Variants in AQP3 observed in about 807,000 individuals in gnomAD.
The protein encoded by AQP3 is aquaporin-3.
AQP3 carries 15 observed loss-of-function variants against 30.3 expected under a neutral mutation model. The observed-to-expected ratio is 0.49, with a 90% CI of 0.33 to 0.76. The LOEUF (loss-of-function observed/expected upper bound fraction) is 0.76, where lower values mean the gene tolerates loss of function less well. AQP3 is among the 30% of genes least tolerant of loss of function. AQP3 has a pLI of 0.02. For missense variants in AQP3, 272 were observed against 384.8 expected (o/e 0.71, Z 2.45); for synonymous variants, 153 against 163.2 (o/e 0.94, Z 0.47).
At position 33,443,360 on chromosome 9, in the gene AQP3, C is replaced by T; in HGVS notation, c.334G>A (p.Ala112Thr). The change falls in exon 3 of 6, where the codon GCC becomes ACC. Residue 112 changes from alanine (A) to threonine (T), a missense_variant. Coordinates refer to ENST00000297991, the MANE Select transcript of AQP3 (RefSeq NM_004925.5). This position sits in a 1 kb window ranked among gnomAD's most constrained non-coding sequence, Gnocchi z 5.0. ...PIYTLAQTLG[A>T]FLGAGIVFGL... The stretch of plus-strand genomic sequence containing the variant: ...AAAACTATTCCAGCACCCAAGAAGG[C>T]TCCCAGCGTCTGTGCCAGGGTGTAG... 2 of 1,594,302 alleles carry T rather than the reference C, an allele frequency of 1.3e-6. No individual in the cohort carries two copies. The highest frequency in any genetic ancestry group is 8.5e-7 in the Non-Finnish European group (1 of 1,170,458).
In AQP3 at chr9:33,443,151, C is replaced by A; in HGVS notation, c.373+170G>T. ...GGCCTGAGACTCTGTTATTGCCCAACTTGTTTCTTTCCCTTCGTGCCCCCT... is the reference window on the plus strand; with the variant it reads ...GGCCTGAGACTCTGTTATTGCCCAAATTGTTTCTTTCCCTTCGTGCCCCCT... On this transcript the variant is annotated intron_variant, in intron 3 of 5. Transcript: ENST00000297991. This position sits in a 1 kb window ranked among gnomAD's most constrained non-coding sequence, Gnocchi z 5.0. The A allele has an allele frequency of 8.5e-7, 1 of 1,179,820 alleles. No homozygotes were observed. The allele number at this position is 1,179,820 out of a possible 1,614,324, so 73.1% of individuals were successfully genotyped here. A position where few individuals can be genotyped will look rare whatever the true frequency, so the allele number is the denominator to read the frequency against.
rs770128012 is a variant in AQP3, at chr9:33,443,760, C to A, written c.235+6G>T. 172 of 1,613,926 alleles carry A rather than the reference C, an allele frequency of 1.1e-4. 1 individual carries two copies. The highest frequency in any genetic ancestry group is 1.4e-4 in the Non-Finnish European group (164 of 1,179,948). ...CCAAGGGCTGGGGGCAGGGTTAAGG[C>A]CTTACCAGAGACCTGGCCAGCGATG... On this transcript the variant is annotated splice_donor_region_variant and intron_variant, in intron 2 of 5. Transcript: ENST00000297991. This position sits in a 1 kb window ranked among gnomAD's most constrained non-coding sequence, Gnocchi z 5.0.
chr9:33,447,392 G>T, intron 1 of AQP3, 31 bp downstream of exon 1: 1 of 1,541,050 alleles, frequency 6.5e-7, no homozygotes, highest in African/African-American at 1.4e-5. Context: ...GGGCTGGAGA[G>T]AGAAGGGCTT....
Position 33,447,562 on chromosome 9 carries a change from C to T in AQP3, c.-32G>A, listed in dbSNP as rs759886617. The T allele has an allele frequency of 3.2e-6, 5 of 1,542,080 alleles. No individual in the cohort carries two copies. The African/African-American group carries it at 5.5e-5, about 17-fold the overall frequency. ...GCAGGCGGCGGCGCTGTCGGGCGGG[C>T]AGGGGTGGCGGGAGGCGGTGGCGCA... On this transcript the variant is annotated 5_prime_UTR_variant, in exon 1 of 6. Transcript: ENST00000297991.
intron 1 of AQP3, among the ~76,000 whole-genome samples, chr9:33,444,578 C>CG (rs1257662712): frequency 7.0e-6 from 1 of 142,330 alleles, no homozygotes; most frequent in Admixed American, 7.4e-5. Flanking sequence ...TCAGCCTGGG[C>CG]GACAGAGCGG....
chr9:33,441,675 G>T lies in AQP3; in HGVS notation c.*368C>A. 2 of 414,040 alleles carry T rather than the reference G, an allele frequency of 4.8e-6. No homozygotes were observed. Among genetic ancestry groups the T allele is most frequent in the African/African-American group, 2.1e-5 (1 of 48,212 alleles). The allele number at this position is 414,040 out of a possible 1,614,324, so 25.6% of individuals were successfully genotyped here. ...TCCCCCAATAGCCAGAATCCCTTCC[G>T]ACTGGTCCCTTGCCCTGAATATCTG... On this transcript the variant is annotated 3_prime_UTR_variant, in exon 6 of 6. Transcript: ENST00000297991.
Position 33,441,904 on chromosome 9 carries a change from T to C in AQP3, c.*139A>G, listed in dbSNP as rs1476901223. 9 of 1,342,424 alleles carry C rather than the reference T, an allele frequency of 6.7e-6. No homozygotes were observed. The highest frequency in any genetic ancestry group is 9.2e-6 in the Non-Finnish European group (9 of 980,242). 83.2% of individuals were successfully genotyped at this position (1,342,424 alleles called of 1,614,324 possible). On this transcript the variant is annotated 3_prime_UTR_variant, in exon 6 of 6. Coordinates refer to ENST00000297991, the MANE Select transcript of AQP3 (RefSeq NM_004925.5). ...TCCAGTGGAAATCCTGAAGGGGCTG[T>C]CTCGTGGGGTGAGGGTAGATAGGGA...
At position 33,442,213 on chromosome 9, in the gene AQP3, TG is replaced by T; in HGVS notation, c.711-3del. On this transcript the variant is annotated splice_region_variant and splice_polypyrimidine_tract_variant and intron_variant, in intron 5 of 5. Coordinates refer to ENST00000297991, the MANE Select transcript of AQP3 (RefSeq NM_004925.5). ...ACCCACCACCAATGCTGGCCGGTCC[TG>T]GGGGGACAGACACTCATAGTCAGGG... 2 of 1,610,120 alleles carry T rather than the reference TG, an allele frequency of 1.2e-6. No homozygotes were observed. The highest frequency in any genetic ancestry group is 1.7e-6 in the Non-Finnish European group (2 of 1,178,844).
rs776058631 is a variant in AQP3, at chr9:33,443,285, GGGGTA to G, written c.373+31_373+35del. On this transcript the variant is annotated intron_variant, in intron 3 of 5. Coordinates refer to ENST00000297991, the MANE Select transcript of AQP3 (RefSeq NM_004925.5). The surrounding 1 kb of genome is among the most constrained non-coding windows in gnomAD (Gnocchi z 5.0). ...CCAGCAGGTCCTGAACAGAGGGACG[GGGGTA>G]GTGGAGGAGGACAGGGTGGGGAATG... 7.0e-6 allele frequency: 11 copies of G among 1,564,592 alleles called. No individual in the cohort carries two copies. In the African/African-American group the frequency reaches 1.4e-4, roughly 19 times the overall value.
chr9:33,444,632 C>T (rs1243649007), intron 1 of AQP3, among the ~76,000 whole-genome samples: 3 of 150,812 alleles, frequency 2.0e-5, no homozygotes, highest in Admixed American at 2.0e-4. Context: ...AAAAGAAAAG[C>T]TCATGTGGTG....
At chr9:33,442,809 C>T (rs200617012) in intron 4 of AQP3, 43 bp downstream of exon 4, 67 of 1,576,130 alleles carry the variant, frequency 4.3e-5, no homozygotes, top group South Asian at 7.8e-5. Flanking sequence ...CAAGGCAACT[C>T]GGTCCCCTCC....
In AQP3 at chr9:33,443,330, G is replaced by A; in HGVS notation, c.364C>T (p.Leu122=). 1.3e-6 allele frequency: 2 copies of A among 1,582,368 alleles called. No homozygotes were observed. Among genetic ancestry groups the A allele is most frequent in the Non-Finnish European group, 1.7e-6 (2 of 1,163,898 alleles). Residue 122 remains leucine, a synonymous_variant, in exon 3 of 6, where the codon CTG becomes TTG. Coordinates refer to ENST00000297991, the MANE Select transcript of AQP3 (RefSeq NM_004925.5). This position sits in a 1 kb window ranked among gnomAD's most constrained non-coding sequence, Gnocchi z 5.0. ...AFLGAGIVFG[L]YYDAIWHFAD... ...GGTGGGGAATGCTTACCATAATACA[G>A]CCCAAAAACTATTCCAGCACCCAAG...
Position 33,443,218 on chromosome 9 carries a change from G to A in AQP3, c.373+103C>T. ...TGAATGAGTGAGTCATGAGCCCGGG[G>A]CCTGGGCAGGTCCTAGCCGTCTGTC... On this transcript the variant is annotated intron_variant, in intron 3 of 5. Transcript: ENST00000297991. This position sits in a 1 kb window ranked among gnomAD's most constrained non-coding sequence, Gnocchi z 5.0. The A allele has an allele frequency of 6.8e-7, 1 of 1,479,792 alleles. No individual in the cohort carries two copies. Among genetic ancestry groups the A allele is most frequent in the Non-Finnish European group, 9.2e-7 (1 of 1,082,722 alleles). 91.7% of individuals were successfully genotyped at this position (1,479,792 alleles called of 1,614,324 possible).
In AQP3 at chr9:33,443,491, C is replaced by T; in HGVS notation, c.236-33G>A. 1 of 1,605,228 alleles carries T rather than the reference C, an allele frequency of 6.2e-7. No homozygotes were observed. Among genetic ancestry groups the T allele is most frequent in the African/African-American group, 1.3e-5 (1 of 74,958 alleles). On this transcript the variant is annotated intron_variant, in intron 2 of 5. Coordinates refer to ENST00000297991, the MANE Select transcript of AQP3 (RefSeq NM_004925.5). This position sits in a 1 kb window ranked among gnomAD's most constrained non-coding sequence, Gnocchi z 5.0. ...GAGGGGACAAGGGACCTATTAGCTG[C>T]AGCCTGCCACAGTCGGCAGGCTAGG...
rs1826864586 is a variant in AQP3 at position 33,443,119 on chromosome 9, G to A, written c.374-149C>T. 9 of 1,048,806 alleles carry A rather than the reference G, an allele frequency of 8.6e-6. No individual in the cohort carries two copies. In the East Asian group the frequency reaches 2.3e-4, roughly 27 times the overall value. The allele number at this position is 1,048,806 out of a possible 1,614,324, so 65.0% of individuals were successfully genotyped here. On this transcript the variant is annotated intron_variant, in intron 3 of 5. Transcript: ENST00000297991. The surrounding 1 kb of genome is among the most constrained non-coding windows in gnomAD (Gnocchi z 5.0). The stretch of plus-strand genomic sequence containing the variant: ...AGGCAGAGGGGGTGGCGTGGGGTGG[G>A]GTGGAGGGCCTGAGACTCTGTTATT...
Position 33,443,716 on chromosome 9 carries a change from G to T in AQP3, c.235+50C>A. The T allele has an allele frequency of 6.2e-7, 1 of 1,612,814 alleles. No homozygotes were observed. The highest frequency in any genetic ancestry group is 8.5e-7 in the Non-Finnish European group (1 of 1,179,468). On this transcript the variant is annotated intron_variant, in intron 2 of 5. Transcript: ENST00000297991. The surrounding 1 kb of genome is among the most constrained non-coding windows in gnomAD (Gnocchi z 5.0). ...GCCCTTAGGAATGCCAGGACACCTAGTGGGAATGCTATTGAGGGCCAAGGG... is the reference window on the plus strand; with the variant it reads ...GCCCTTAGGAATGCCAGGACACCTATTGGGAATGCTATTGAGGGCCAAGGG...
Position 33,443,936 on chromosome 9 carries a change from T to C in AQP3, c.109-44A>G. The C allele has an allele frequency of 1.2e-6, 2 of 1,603,224 alleles. No individual in the cohort carries two copies. Among genetic ancestry groups the C allele is most frequent in the South Asian group, 1.1e-5 (1 of 90,132 alleles). On this transcript the variant is annotated intron_variant, in intron 1 of 5. Coordinates refer to ENST00000297991, the MANE Select transcript of AQP3 (RefSeq NM_004925.5). This position sits in a 1 kb window ranked among gnomAD's most constrained non-coding sequence, Gnocchi z 5.0. ...GGCAGGGAGGGTGAGGACCAGCAACTCTCACTCCAGAAGGAAGGGGTGAAG... is the reference window on the plus strand; with the variant it reads ...GGCAGGGAGGGTGAGGACCAGCAACCCTCACTCCAGAAGGAAGGGGTGAAG...
At chr9:33,446,858 C>T (rs1251575228) in intron 1 of AQP3, among the ~76,000 whole-genome samples, 1 of 152,236 alleles carries the variant, frequency 6.6e-6, no homozygotes, top group Non-Finnish European at 1.5e-5. Context: ...CTTCTACCGT[C>T]AGAATCTGCC....
Position 33,442,921 on chromosome 9 carries a change from A to G in AQP3, c.423T>C (p.Asn141=). 1.9e-6 allele frequency: 3 copies of G among 1,614,212 alleles called. No individual in the cohort carries two copies. The highest frequency in any genetic ancestry group is 1.6e-4 in the Middle Eastern group (1 of 6,062). The change falls in exon 4 of 6, where the codon AAT becomes AAC. Residue 141 remains asparagine (N), a synonymous_variant. Transcript: ENST00000297991. The stretch of plus-strand genomic sequence containing the variant: ...AGGTAGCAAAGATGCCGGCTGTGCC[A>G]TTGGGGCCCGAAACAAAAAGCTGGT... ...ADNQLFVSGP[N]GTAGIFATYP...
Sources: gnomAD v4.1 joint callset for allele counts (sites outside exome capture counted in the v4.1 genomes callset) on GRCh38, gnomAD v4.1.1 for gene constraint, Gnocchi (gnomAD v3.1) non-coding constraint, MANE v1.5 for transcripts, NCBI Gene and HGNC (gene_info 2026-07-23, HGNC 2026-07-21) for gene names.